The following LRRC3B variants were observed in gnomAD, a reference collection of about 807,000 sequenced individuals.
LRRC3B encodes leucine-rich repeat-containing protein 3B.
A neutral mutation model predicts 12.8 loss-of-function variants in LRRC3B; 2 were observed. The ratio of observed to expected loss-of-function variants is 0.16; its 90% CI spans 0.06 to 0.49. The LOEUF is 0.49. Ranked by LOEUF, LRRC3B falls within the 20% of genes least tolerant of loss-of-function variation. The pLI, the probability that LRRC3B is intolerant of heterozygous loss-of-function variation, is 0.96. For synonymous variants in LRRC3B, 132 were observed against 122.0 expected (o/e 1.08, Z -0.54); for missense variants, 189 against 319.4 (o/e 0.59, Z 3.11).
At chr3:26,696,339 TG>T (rs1323751558) in intron 1 of LRRC3B, among the ~76,000 whole-genome samples, 1 of 152,204 alleles carries the variant, frequency 6.6e-6, no homozygotes, top group Non-Finnish European at 1.5e-5. Context: ...AAAGTTCAAA[TG>T]TTTTTTAGCG....
intron 1 of LRRC3B, among the ~76,000 whole-genome samples, chr3:26,697,200 T>C (rs1700338528): frequency 6.6e-6 from 1 of 152,198 alleles, no homozygotes; most frequent in Non-Finnish European, 1.5e-5. Flanking sequence ...TATTTTCTTA[T>C]AGTTCTGGAG....
chr3:26,665,072 C>T (rs143526177), intron 1 of LRRC3B, among the ~76,000 whole-genome samples: 20 of 151,880 alleles, frequency 1.3e-4, no homozygotes, highest in Non-Finnish European at 2.2e-4. Context: ...CATAAAGGTA[C>T]GGTCAGGCTT....
intron 1 of LRRC3B, among the ~76,000 whole-genome samples, chr3:26,702,794 G>C (rs1042291666): frequency 6.6e-6 from 1 of 152,104 alleles, no homozygotes; most frequent in African/African-American, 2.4e-5. Flanking sequence ...TTAGGAAAGA[G>C]GCCATGAGAA....
At chr3:26,699,242 G>T (rs1700394277) in intron 1 of LRRC3B, among the ~76,000 whole-genome samples, 1 of 152,056 alleles carries the variant, frequency 6.6e-6, no homozygotes, top group African/African-American at 2.4e-5. Flanking sequence ...AAACCCTCAA[G>T]ACAGAATGAT....
At chr3:26,625,111 C>A (rs1249167178) in intron 1 of LRRC3B, 2 of 152,340 alleles carry the variant, frequency 1.3e-5, no homozygotes, top group Non-Finnish European at 2.9e-5. Context: ...GAACCCTGTA[C>A]AACCTTTAGG....
At chr3:26,640,920 T>C (rs1699017790) in intron 1 of LRRC3B, among the ~76,000 whole-genome samples, 1 of 152,188 alleles carries the variant, frequency 6.6e-6, no homozygotes. Context: ...AGACTTCATA[T>C]GAATTGAGGT....
intron 1 of LRRC3B, among the ~76,000 whole-genome samples, chr3:26,699,157 G>T (rs1213739749): frequency 1.3e-5 from 2 of 151,998 alleles, no homozygotes; most frequent in African/African-American, 4.8e-5. Context: ...TTAGATTCGG[G>T]TTAAATATGT....
intron 1 of LRRC3B, among the ~76,000 whole-genome samples, chr3:26,636,910 CTTTCTCTCTT>C (rs1698898575): frequency 9.3e-6 from 1 of 107,398 alleles, no homozygotes; most frequent in African/African-American, 4.4e-5. Context: ...CTCTTTCTCT[CTTTCTCTCTT>C]TCTTTCTTTC....
intron 1 of LRRC3B, among the ~76,000 whole-genome samples, chr3:26,667,929 T>C (rs1349776192): frequency 6.6e-6 from 1 of 151,912 alleles, no homozygotes; most frequent in East Asian, 1.9e-4. Flanking sequence ...TTTTATTTTT[T>C]TATTTTATTA....
intron 1 of LRRC3B, among the ~76,000 whole-genome samples, chr3:26,636,577 C>T (rs1400318999): frequency 4.0e-5 from 6 of 151,620 alleles, no homozygotes; most frequent in African/African-American, 7.3e-5. Flanking sequence ...TATGTATTGA[C>T]AATATTAAAT....
At chr3:26,649,806 C>T (rs1176700515) in intron 1 of LRRC3B, among the ~76,000 whole-genome samples, 1 of 152,178 alleles carries the variant, frequency 6.6e-6, no homozygotes, top group Non-Finnish European at 1.5e-5. Context: ...CCGTTCTTCT[C>T]CTAAGATGTT....
chr3:26,638,763 A>G (rs1195804291), intron 1 of LRRC3B, among the ~76,000 whole-genome samples: 1 of 152,220 alleles, frequency 6.6e-6, no homozygotes, highest in Admixed American at 6.5e-5. Context: ...AATGCTTTGA[A>G]TATTGTCATC....
rs1698727607 is a variant in LRRC3B at position 26,630,266 on chromosome 3, A to G, written c.-161+7029A>G. 1.3e-5 allele frequency among the ~76,000 whole-genome samples: 2 copies of G among 151,368 alleles called. 1 individual carries two copies. The highest frequency in any genetic ancestry group is 4.1e-4 in the South Asian group (2 of 4,836). On this transcript the variant is annotated intron_variant, in intron 1 of 1. Coordinates refer to ENST00000396641, the Ensembl canonical transcript of LRRC3B. ...TCTCACATATCAGAGTGCCACATTA[A>G]TGTGGCTTTATCAATCTCCAGGCCA...
chr3:26,682,399 G>A (rs1361675302), intron 1 of LRRC3B, among the ~76,000 whole-genome samples: 1 of 151,916 alleles, frequency 6.6e-6, no homozygotes, highest in Non-Finnish European at 1.5e-5. Flanking sequence ...TGCTTCTCTT[G>A]CCACCTCTCC....
intron 1 of LRRC3B, among the ~76,000 whole-genome samples, chr3:26,626,226 G>C (rs1172782912): frequency 6.6e-6 from 1 of 152,204 alleles, no homozygotes; most frequent in Non-Finnish European, 1.5e-5. Context: ...TGGAGAACTG[G>C]CTACTGGTAA....
chr3:26,661,755 A>G (rs766523310), intron 1 of LRRC3B, among the ~76,000 whole-genome samples: 1 of 152,098 alleles, frequency 6.6e-6, no homozygotes, highest in Non-Finnish European at 1.5e-5. Context: ...GAATATGACA[A>G]ATTTATAAAA....
rs371017178 is a variant in LRRC3B, at chr3:26,634,910, C to T, written c.-161+11673C>T. ...ATTGCAGCTTTGCAAAAACTCCAGGCTATTATAATACGTTGAATGTTGGCG... is the reference window on the plus strand; with the variant it reads ...ATTGCAGCTTTGCAAAAACTCCAGGTTATTATAATACGTTGAATGTTGGCG... On this transcript the variant is annotated intron_variant, in intron 1 of 1. Transcript: ENST00000396641. 1.4e-4 allele frequency among the ~76,000 whole-genome samples: 21 copies of T among 152,284 alleles called. 3 individuals carry two copies. Among genetic ancestry groups the T allele is most frequent in the Admixed American group, 9.1e-4 (14 of 15,308 alleles).
At chr3:26,657,993 A>G (rs970118952) in intron 1 of LRRC3B, among the ~76,000 whole-genome samples, 7 of 152,246 alleles carry the variant, frequency 4.6e-5, no homozygotes, top group South Asian at 2.1e-4. Flanking sequence ...GCATTATATC[A>G]TAGTACTGAC....
intron 1 of LRRC3B, among the ~76,000 whole-genome samples, chr3:26,655,161 C>T (rs1699345576): frequency 6.6e-6 from 1 of 151,898 alleles, no homozygotes; most frequent in Non-Finnish European, 1.5e-5. Context: ...AAAATCAATA[C>T]CATAAAAATA....
Sources: gnomAD v4.1 joint callset for allele counts (sites outside exome capture counted in the v4.1 genomes callset) on GRCh38, gnomAD v4.1.1 for gene constraint, MANE v1.5 for transcripts, NCBI Gene and HGNC (gene_info 2026-07-23, HGNC 2026-07-21) for gene names.